The following PDE4D variants were observed in gnomAD, a reference collection of about 807,000 sequenced individuals.
PDE4D encodes the protein 3',5'-cyclic-AMP phosphodiesterase 4D.
A neutral mutation model predicts 87.4 loss-of-function variants in PDE4D; 24 were observed. That is an observed-to-expected ratio of 0.27 (90% CI 0.20 to 0.39). The LOEUF is 0.39. Ranked by LOEUF, PDE4D falls within the 10% of genes least tolerant of loss-of-function variation. PDE4D has a pLI of 1.00. For synonymous variants in PDE4D, 384 were observed against 383.2 expected (o/e 1.00, Z -0.02); for missense variants, 714 against 1,041.0 (o/e 0.69, Z 4.32).
At chr5:60,000,001 A>G (rs943538302) in intron 2 of PDE4D, among the ~76,000 whole-genome samples, 9 of 152,046 alleles carry the variant, frequency 5.9e-5, no homozygotes, top group African/African-American at 2.2e-4. Context: ...ATGAACTCAA[A>G]GAGAGGCCAC....
chr5:60,065,377 A>G (rs138930682), intron 2 of PDE4D, among the ~76,000 whole-genome samples: 301 of 151,938 alleles, frequency 2.0e-3, no homozygotes, highest in African/African-American at 6.9e-3. Context: ...TCTATATTAC[A>G]TCTTATTGTG....
At chr5:59,786,632 A>C (rs567050693) in intron 1 of PDE4D, among the ~76,000 whole-genome samples, 1 of 152,352 alleles carries the variant, frequency 6.6e-6, no homozygotes, top group East Asian at 1.9e-4. Flanking sequence ...GGCACAAAAA[A>C]GTCTCATTGC....
chr5:60,431,280 G>A (rs1744261561), intron 1 of PDE4D, among the ~76,000 whole-genome samples: 2 of 151,222 alleles, frequency 1.3e-5, no homozygotes, highest in Non-Finnish European at 2.9e-5. Flanking sequence ...CTCAGACGGG[G>A]CAGCTGCCGG....
At chr5:60,459,206 C>T (rs1346101174) in intron 1 of PDE4D, among the ~76,000 whole-genome samples, 1 of 152,066 alleles carries the variant, frequency 6.6e-6, no homozygotes, top group Non-Finnish European at 1.5e-5. Flanking sequence ...AGTGGCAGGG[C>T]TCAAGTCATC....
intron 1 of PDE4D, among the ~76,000 whole-genome samples, chr5:59,758,122 C>T (rs752479836): frequency 2.4e-4 from 36 of 152,236 alleles, no homozygotes; most frequent in Non-Finnish European, 4.4e-4. Context: ...AAAGAACACA[C>T]GATGGAGAGT....
intron 1 of PDE4D, among the ~76,000 whole-genome samples, chr5:59,560,185 T>C (rs1437424486): frequency 6.6e-6 from 1 of 152,210 alleles, no homozygotes; most frequent in Middle Eastern, 3.2e-3. Context: ...TGACACCATG[T>C]TTTTAAACAT....
intron 2 of PDE4D, among the ~76,000 whole-genome samples, chr5:60,082,367 C>T (rs1490341030): frequency 6.6e-6 from 1 of 152,206 alleles, no homozygotes; most frequent in Non-Finnish European, 1.5e-5. Flanking sequence ...CCTCACTAGA[C>T]ATTGAATCTG....
Position 60,306,795 on chromosome 5 carries a change from G to A in PDE4D, c.-89-121108C>T, listed in dbSNP as rs16877871. 4.5e-3 allele frequency among the ~76,000 whole-genome samples: 681 copies of A among 152,000 alleles called. 5 individuals are homozygous for A. Among genetic ancestry groups the A allele is most frequent in the African/African-American group, 0.016 (663 of 41,508 alleles). ...GATGAAACTGATCCAGAAAGAAATC[G>A]AAACCGGAACATAGGAAAACAAATA... is the stretch of plus-strand genomic sequence containing the variant. On this transcript the variant is annotated intron_variant, in intron 1 of 16. Transcript: ENST00000502484.
At chr5:59,328,694 T>C (rs16889606) in intron 1 of PDE4D, among the ~76,000 whole-genome samples, 4,197 of 152,288 alleles carry the variant, frequency 0.028, 115 homozygotes, top group Admixed American at 0.073. Context: ...AAATAATGAC[T>C]AAAAACACCC....
intron 1 of PDE4D, among the ~76,000 whole-genome samples, chr5:59,278,494 A>G (rs920062446): frequency 6.6e-6 from 1 of 152,064 alleles, no homozygotes; most frequent in Non-Finnish European, 1.5e-5. Context: ...AATAGACTGT[A>G]CCATAGATGT....
intron 1 of PDE4D, among the ~76,000 whole-genome samples, chr5:60,426,950 G>A (rs1180786044): frequency 6.6e-6 from 1 of 152,090 alleles, no homozygotes; most frequent in African/African-American, 2.4e-5. Context: ...CTGAATAGCT[G>A]ATTAGAGATG....
intron 1 of PDE4D, among the ~76,000 whole-genome samples, chr5:59,863,882 C>T (rs1339162793): frequency 6.6e-6 from 1 of 152,038 alleles, no homozygotes; most frequent in African/African-American, 2.4e-5. Flanking sequence ...CCCTCCATGC[C>T]ATTGATGAAA....
intron 1 of PDE4D, among the ~76,000 whole-genome samples, chr5:60,248,005 G>T (rs1747992776): frequency 6.6e-6 from 1 of 151,926 alleles, no homozygotes; most frequent in Non-Finnish European, 1.5e-5. Context: ...AAATGAAATG[G>T]CCAATATTCA....
At chr5:59,489,370 CA>C (rs1232553262) in intron 1 of PDE4D, among the ~76,000 whole-genome samples, 1 of 151,918 alleles carries the variant, frequency 6.6e-6, no homozygotes, top group Non-Finnish European at 1.5e-5. Context: ...TTGTTTCTTA[CA>C]AAAGCACAAG....
intron 2 of PDE4D, among the ~76,000 whole-genome samples, chr5:60,053,435 T>G (rs1340418663): frequency 2.6e-5 from 4 of 152,058 alleles, no homozygotes; most frequent in African/African-American, 9.7e-5. Context: ...AAACAAGCAA[T>G]GGGGAAAGGA....
intron 1 of PDE4D, among the ~76,000 whole-genome samples, chr5:59,491,899 T>A (rs867275469): frequency 1.8e-4 from 27 of 152,214 alleles, no homozygotes; most frequent in Admixed American, 1.1e-3. Flanking sequence ...TAGCTTTATT[T>A]ACTAAAGTTA....
chr5:59,825,712 T>G (rs1263468834), intron 1 of PDE4D, among the ~76,000 whole-genome samples: 1 of 152,192 alleles, frequency 6.6e-6, no homozygotes, highest in Non-Finnish European at 1.5e-5. Context: ...TTATTGTGCC[T>G]TCTGAGTTGA....
chr5:59,298,359 A>G (rs889286394), intron 1 of PDE4D, among the ~76,000 whole-genome samples: 20 of 151,832 alleles, frequency 1.3e-4, no homozygotes, highest in African/African-American at 4.6e-4. Flanking sequence ...CAAGTGATCC[A>G]CCCATTTCAG....
At chr5:60,482,449 TC>T (rs546594269) in intron 1 of PDE4D, among the ~76,000 whole-genome samples, 96 of 152,320 alleles carry the variant, frequency 6.3e-4, no homozygotes, top group Middle Eastern at 3.4e-3. Flanking sequence ...AGCCCCAGCT[TC>T]CCTTTCACTA....
Sources: gnomAD v4.1 joint callset for allele counts (sites outside exome capture counted in the v4.1 genomes callset) on GRCh38, gnomAD v4.1.1 for gene constraint, MANE v1.5 for transcripts, NCBI Gene and HGNC (gene_info 2026-07-23, HGNC 2026-07-21) for gene names.